The following TBCD variants were observed in gnomAD, a reference collection of about 807,000 sequenced individuals.
TBCD encodes tubulin-specific chaperone D.
TBCD carries 105 observed loss-of-function variants against 169.3 expected under a neutral mutation model. The ratio of observed to expected loss-of-function variants is 0.62; its 90% CI spans 0.53 to 0.73. TBCD has a LOEUF of 0.73. TBCD is among the 30% of genes least tolerant of loss of function. The pLI is 0.00. For synonymous variants in TBCD, 700 were observed against 643.9 expected (o/e 1.09, Z -1.32); for missense variants, 1,444 against 1,600.1 (o/e 0.90, Z 1.66).
chr17:82,823,094 A>T (rs1249891910), intron 13 of TBCD, among the ~76,000 whole-genome samples: 2 of 152,336 alleles, frequency 1.3e-5, no homozygotes, highest in Non-Finnish European at 2.9e-5. Flanking sequence ...ACTGAGGTGG[A>T]TGGTAAATTC....
Position 82,807,684 on chromosome 17 carries a change from C to T in TBCD, c.1148+16C>T, listed in dbSNP as rs766380401. On this transcript the variant is annotated intron_variant, in intron 11 of 38. Transcript: ENST00000355528. ...CAGCCAAGGGGTAGGTGTCTGTGGC[C>T]GCAGAAGCACCCCGGGGGGTGGGCC... The T allele has an allele frequency of 5.5e-6, 8 of 1,460,916 alleles. No individual in the cohort carries two copies. Among genetic ancestry groups the T allele is most frequent in the East Asian group, 2.7e-5 (1 of 37,074 alleles). The allele number at this position is 1,460,916 out of a possible 1,614,324, so 90.5% of individuals were successfully genotyped here. A position where few individuals can be genotyped will look rare whatever the true frequency, so the allele number is the denominator to read the frequency against.
At chr17:82,878,473 GCC>G (rs2058118517) in intron 14 of TBCD, among the ~76,000 whole-genome samples, 1 of 152,154 alleles carries the variant, frequency 6.6e-6, no homozygotes, top group Non-Finnish European at 1.5e-5. Flanking sequence ...GAGACGACTG[GCC>G]AGATGTTCTG....
intron 7 of TBCD, among the ~76,000 whole-genome samples, chr17:82,791,403 C>G (rs1290031308): frequency 6.6e-6 from 1 of 152,132 alleles, no homozygotes; most frequent in Non-Finnish European, 1.5e-5. Flanking sequence ...GGATCATTAA[C>G]CTCTTTTCTA....
chr17:82,871,696 G>A (rs1224324136), intron 14 of TBCD, among the ~76,000 whole-genome samples: 1 of 152,240 alleles, frequency 6.6e-6, no homozygotes, highest in African/African-American at 2.4e-5. Flanking sequence ...CTGGTGGCAG[G>A]CTCAGGCTAC....
chr17:82,910,210 C>T (rs572627661), intron 22 of TBCD, among the ~76,000 whole-genome samples: 7 of 152,310 alleles, frequency 4.6e-5, no homozygotes, highest in South Asian at 2.1e-4. Flanking sequence ...TCTCAGCAGC[C>T]GAGCCAACTT....
intron 34 of TBCD, among the ~76,000 whole-genome samples, chr17:82,935,051 C>G (rs2062504262): frequency 6.7e-6 from 1 of 149,376 alleles, no homozygotes; most frequent in South Asian, 2.2e-4. Flanking sequence ...GCAACACAGC[C>G]AGACTCTGTT....
chr17:82,869,511 C>T (rs912323266), intron 13 of TBCD, among the ~76,000 whole-genome samples: 4 of 152,104 alleles, frequency 2.6e-5, no homozygotes, highest in African/African-American at 9.7e-5. Context: ...CAGAGCCAGA[C>T]CCTGTCTCAA....
At position 82,856,999 on chromosome 17, in the gene TBCD, C is replaced by T. The variant is rs540876493; in HGVS notation, c.1319-13225C>T. ...CGCATCCAGGGCGGGATCGCTGGAC[C>T]GCGTGCGGACCCTCGGTGTGTTACT... On this transcript the variant is annotated intron_variant, in intron 13 of 38. Coordinates refer to ENST00000355528, the MANE Select transcript of TBCD (RefSeq NM_005993.5). Among the ~76,000 whole-genome samples the T allele has an allele frequency of 8.6e-5, 13 of 151,892 alleles. 1 individual carries two copies. In the South Asian group the frequency reaches 1.0e-3, roughly 12 times the overall value.
At chr17:82,878,514 C>T (rs1020389248) in intron 14 of TBCD, among the ~76,000 whole-genome samples, 1 of 151,774 alleles carries the variant, frequency 6.6e-6, no homozygotes, top group Non-Finnish European at 1.5e-5. Context: ...GATGCTTTCT[C>T]GTGTGTTACT....
Position 82,753,771 on chromosome 17 carries a change from G to T in TBCD, c.184+1394G>T, listed in dbSNP as rs117455692. Among the ~76,000 whole-genome samples, 957 of 151,704 alleles carry T rather than the reference G, an allele frequency of 6.3e-3. 5 individuals are homozygous for T. Among genetic ancestry groups the T allele is most frequent in the Non-Finnish European group, 0.011 (727 of 67,894 alleles). ...CTCGGCCCCAGTGGGTTCTTTCTGC[G>T]GGCTGCCCAGATAGAGTTGATTTGT... On this transcript the variant is annotated intron_variant, in intron 1 of 38. Coordinates refer to ENST00000355528, the MANE Select transcript of TBCD (RefSeq NM_005993.5).
chr17:82,752,614 C>T lies in TBCD; in HGVS notation c.184+237C>T, dbSNP rs946889783. 3.3e-4 allele frequency among the ~76,000 whole-genome samples: 50 copies of T among 152,202 alleles called. No individual in the cohort carries two copies. In the Middle Eastern group the frequency reaches 0.014, roughly 42 times the overall value. On this transcript the variant is annotated intron_variant, in intron 1 of 38. Coordinates refer to ENST00000355528, the MANE Select transcript of TBCD (RefSeq NM_005993.5). ...CCTCCCTTGGGGGGACCGTGGCCCG[C>T]GGAGCGCCTGCTCTCGCACGGGGTG... is the stretch of plus-strand genomic sequence containing the variant.
intron 12 of TBCD, among the ~76,000 whole-genome samples, chr17:82,812,179 C>T (rs894923428): frequency 2.6e-5 from 4 of 152,268 alleles, no homozygotes; most frequent in African/African-American, 9.6e-5. Context: ...CTGTGCCAAC[C>T]CCATTGGTTT....
chr17:82,851,235 T>A (rs780784393), intron 13 of TBCD, among the ~76,000 whole-genome samples: 2 of 135,056 alleles, frequency 1.5e-5, no homozygotes, highest in African/African-American at 2.8e-5. Context: ...AATGTGTAAA[T>A]CACATGAGTC....
At chr17:82,763,460 C>T (rs2047868955) in intron 2 of TBCD, among the ~76,000 whole-genome samples, 1 of 152,076 alleles carries the variant, frequency 6.6e-6, no homozygotes, top group Non-Finnish European at 1.5e-5. Flanking sequence ...GGGTTTTGGG[C>T]CAGGTGCGGT....
chr17:82,756,558 C>T (rs1003419261), intron 2 of TBCD, among the ~76,000 whole-genome samples: 2 of 152,190 alleles, frequency 1.3e-5, no homozygotes, highest in Non-Finnish European at 2.9e-5. Flanking sequence ...CAGCTCACTG[C>T]ATCCTCCAGC....
In TBCD at chr17:82,806,145, C is replaced by A. The variant is rs761189247; in HGVS notation, c.1087+134C>A. On this transcript the variant is annotated intron_variant, in intron 10 of 38. Transcript: ENST00000355528. This position sits in a 1 kb window ranked among gnomAD's most constrained non-coding sequence, Gnocchi z 5.1. ...CCACCCGTCCCCTTCGCTGAGTGCA[C>A]GGTCACTGCCCGTCCTCTGGCTCCT... is the stretch of plus-strand genomic sequence containing the variant. 2.5e-6 allele frequency: 3 copies of A among 1,213,250 alleles called. No homozygotes were observed. The allele number at this position is 1,213,250 out of a possible 1,614,324, so 75.2% of individuals were successfully genotyped here.
Position 82,806,016 on chromosome 17 carries a change from G to A in TBCD, c.1087+5G>A, listed in dbSNP as rs374775577. On this transcript the variant is annotated splice_donor_5th_base_variant and intron_variant, in intron 10 of 38. Coordinates refer to ENST00000355528, the MANE Select transcript of TBCD (RefSeq NM_005993.5). The surrounding 1 kb of genome is among the most constrained non-coding windows in gnomAD (Gnocchi z 5.1). ...AGGGGGTGGAGCGTGTGATAGGTGC[G>A]TGGGGTCTAAGCGGCGGCCTCTGCT... 11 of 1,613,136 alleles carry A rather than the reference G, an allele frequency of 6.8e-6. No homozygotes were observed. The highest frequency in any genetic ancestry group is 2.2e-5 in the South Asian group (2 of 91,066).
In TBCD at chr17:82,840,954, GTTT is replaced by G. The variant is rs1295995328; in HGVS notation, c.1318+26047_1318+26049del. Reference sequence around the variant, plus strand: ...CGAGCTGGCCAGGACAGACAAACTGGTTTTTTTTTTTTTTTTTTTTTTTTTTTT... The same window carrying G: ...CGAGCTGGCCAGGACAGACAAACTGGTTTTTTTTTTTTTTTTTTTTTTTTT... On this transcript the variant is annotated intron_variant, in intron 13 of 38. Coordinates refer to ENST00000355528, the MANE Select transcript of TBCD (RefSeq NM_005993.5). 2.9e-3 allele frequency among the ~76,000 whole-genome samples: 127 copies of G among 44,298 alleles called. 4 individuals are homozygous for G. Among genetic ancestry groups the G allele is most frequent in the African/African-American group, 8.9e-3 (112 of 12,548 alleles). The allele number at this position is 44,298 out of a possible 152,430, so 29.1% of individuals were successfully genotyped here.
At chr17:82,886,815 G>C (rs898913626) in intron 15 of TBCD, among the ~76,000 whole-genome samples, 6 of 149,844 alleles carry the variant, frequency 4.0e-5, no homozygotes, top group Non-Finnish European at 5.9e-5. Flanking sequence ...GATTACAGGC[G>C]TGCACCACCA....
Sources: allele counts gnomAD v4.1 joint callset (sites outside exome capture counted in the v4.1 genomes callset), GRCh38; gene constraint gnomAD v4.1.1; non-coding constraint Gnocchi (gnomAD v3.1); transcripts MANE v1.5; gene names NCBI Gene and HGNC (gene_info 2026-07-23, HGNC 2026-07-21).